Variants in SPESP1 observed in about 807,000 individuals in gnomAD.
SPESP1 encodes the protein sperm equatorial segment protein 1.
Under a neutral mutation model 3.1 loss-of-function variants are expected in SPESP1, and 1 was observed. The observed-to-expected ratio is 0.33, with a 90% CI of 0.12 to 1.54. SPESP1 has a LOEUF of 1.54. Ranked by LOEUF, SPESP1 falls within the 40% of genes most tolerant of loss-of-function variation. The pLI, the probability that SPESP1 is intolerant of heterozygous loss-of-function variation, is 0.38. For synonymous variants in SPESP1, 138 were observed against 150.7 expected (o/e 0.92, Z 0.62); for missense variants, 398 against 410.1 (o/e 0.97, Z 0.26).
At chr15:68,931,287 T>G (rs1895532340) in intron 1 of SPESP1, among the ~76,000 whole-genome samples, 2 of 144,682 alleles carry the variant, frequency 1.4e-5, no homozygotes, top group South Asian at 4.7e-4. Flanking sequence ...TTTTTGCATT[T>G]TCAAAGTAAA....
chr15:68,946,319 A>C lies in SPESP1; in HGVS notation c.785A>C (p.Lys262Thr), dbSNP rs1895964575. The change falls in exon 2 of 2, where the codon AAA (lysine) becomes ACA (threonine). Residue 262 changes from lysine to threonine, a missense_variant. By Grantham distance (78) the Lys-to-Thr change is moderately conservative. Transcript: ENST00000310673. ...ATTGAAGCCTCTAAAGATCACCTAA[A>C]ACGAAGCCTTGCTCTAGCAGCAGCA... is the stretch of plus-strand genomic sequence containing the variant. Reference protein sequence around the residue: ...EDIEASKDHLKRSLALAAAAE... With the variant: ...EDIEASKDHLTRSLALAAAAE... 2 of 1,614,186 alleles carry C rather than the reference A, an allele frequency of 1.2e-6. No homozygotes were observed. Among genetic ancestry groups the C allele is most frequent in the Non-Finnish European group, 1.7e-6 (2 of 1,180,050 alleles).
At chr15:68,932,508 A>C (rs1029187280) in intron 1 of SPESP1, among the ~76,000 whole-genome samples, 34 of 151,444 alleles carry the variant, frequency 2.2e-4, no homozygotes, top group Non-Finnish European at 2.5e-4. Flanking sequence ...CTCCCACCTC[A>C]GCCTCCTGAG....
chr15:68,945,685 G>A lies in SPESP1; in HGVS notation c.151G>A (p.Glu51Lys), dbSNP rs149193161. The A allele has an allele frequency of 1.9e-6, 3 of 1,613,786 alleles. No homozygotes were observed. The highest frequency in any genetic ancestry group is 1.1e-5 in the South Asian group (1 of 91,002). The change falls in exon 2 of 2, where the codon GAG becomes AAG. Residue 51 changes from glutamate (E) to lysine (K), a missense_variant. Coordinates refer to ENST00000310673, the MANE Select transcript of SPESP1 (RefSeq NM_145658.4). ...CCTAGTACGAAGTGTTCCCTCTGGG[G>A]AGCCAGGTCGTGAGAAAAAATCTAA... is the stretch of plus-strand genomic sequence containing the variant. Reference protein sequence around the residue: ...ENLVRSVPSGEPGREKKSNSP... With the variant: ...ENLVRSVPSGKPGREKKSNSP...
At chr15:68,945,215 A>T (rs920912730) in intron 1 of SPESP1, among the ~76,000 whole-genome samples, 1 of 152,216 alleles carries the variant, frequency 6.6e-6, no homozygotes, top group Non-Finnish European at 1.5e-5. Context: ...ATTCATAAAA[A>T]TTTAACAATG....
intron 1 of SPESP1, among the ~76,000 whole-genome samples, chr15:68,944,071 G>A (rs1209730269): frequency 6.6e-6 from 1 of 152,082 alleles, no homozygotes; most frequent in African/African-American, 2.4e-5. Context: ...ATGCATTAGT[G>A]TTTGGTAAAA....
chr15:68,938,201 G>A (rs1036734465), intron 1 of SPESP1, among the ~76,000 whole-genome samples: 13 of 152,070 alleles, frequency 8.5e-5, no homozygotes, highest in African/African-American at 2.9e-4. Flanking sequence ...GGCTGGTCTC[G>A]AACTCCTGAC....
In SPESP1 at chr15:68,940,899, C is replaced by T. The variant is rs540547166; in HGVS notation, c.65-4700C>T. Among the ~76,000 whole-genome samples the T allele has an allele frequency of 3.0e-4, 46 of 151,686 alleles. No homozygotes were observed. In the South Asian group the frequency reaches 6.6e-3, roughly 22 times the overall value. Reference sequence around the variant, plus strand: ...AAAATGATCATATTTTAATTATAAACGGCTTCTTTAATTATTAGCTGAAAT... The same window carrying T: ...AAAATGATCATATTTTAATTATAAATGGCTTCTTTAATTATTAGCTGAAAT... On this transcript the variant is annotated intron_variant, in intron 1 of 1. Transcript: ENST00000310673.
Position 68,938,029 on chromosome 15 carries a change from G to A in SPESP1, c.64+7312G>A, listed in dbSNP as rs189694984. 3.2e-4 allele frequency among the ~76,000 whole-genome samples: 48 copies of A among 152,110 alleles called. 2 individuals carry two copies. Among genetic ancestry groups the A allele is most frequent in the African/African-American group, 1.1e-3 (47 of 41,506 alleles). On this transcript the variant is annotated intron_variant, in intron 1 of 1. Transcript: ENST00000310673. ...GAGTTTCACTCTTGTCCCCCAGGCT[G>A]GAGTGCAATGGCACAACCTTGGCTT...
At chr15:68,942,883 C>A (rs1249773133) in intron 1 of SPESP1, among the ~76,000 whole-genome samples, 1 of 151,704 alleles carries the variant, frequency 6.6e-6, no homozygotes, top group Non-Finnish European at 1.5e-5. Context: ...TCATTTTACT[C>A]AATTATTTTC....
Position 68,945,870 on chromosome 15 carries a change from GA to G in SPESP1, c.342del (p.Lys114AsnfsTer71), listed in dbSNP as rs760812121. On this transcript the variant is annotated frameshift_variant, in exon 2 of 2. Coordinates refer to ENST00000310673, the MANE Select transcript of SPESP1 (RefSeq NM_145658.4). LOFTEE classifies it low-confidence loss of function (END_TRUNC). ...GAGGCTTCACACCGGAAATAGGAAA[GA>G]AAAAACACACGGAAAGTACCCCATT... Reference protein sequence around the residue: ...TGGFTPEIGKKKHTESTPFWS... With the variant: ...TGGFTPEIGKXKHTESTPFWS... The G allele has an allele frequency of 5.6e-6, 9 of 1,613,940 alleles. No individual in the cohort carries two copies. In the Admixed American group the frequency reaches 6.7e-5, roughly 12 times the overall value.
intron 1 of SPESP1, among the ~76,000 whole-genome samples, chr15:68,944,278 G>A: frequency 6.7e-6 from 1 of 149,710 alleles, no homozygotes; most frequent in Non-Finnish European, 1.5e-5. Flanking sequence ...TTACTGCTCA[G>A]ATGCTGCAAA....
At chr15:68,930,741 A>C in intron 1 of SPESP1, 24 bp downstream of exon 1, 1 of 1,613,594 alleles carries the variant, frequency 6.2e-7, no homozygotes, top group Non-Finnish European at 8.5e-7. Context: ...CTGAGGAGGC[A>C]GCGGACCGGG....
chr15:68,945,824 A>G lies in SPESP1; in HGVS notation c.290A>G (p.Glu97Gly). The change falls in exon 2 of 2, where the codon GAA (glutamate) becomes GGA (glycine). Residue 97 changes from glutamate to glycine, a missense_variant. By Grantham distance (98) the Glu-to-Gly change is moderately conservative (BLOSUM62 -2). Coordinates refer to ENST00000310673, the MANE Select transcript of SPESP1 (RefSeq NM_145658.4). ...NDVLTNPISE[E>G]TTTFPTGGFT... ...GTTTTAACCAATCCTATCAGTGAAG[A>G]AACTACAACTTTCCCTACAGGAGGC... 1 of 1,614,146 alleles carries G rather than the reference A, an allele frequency of 6.2e-7. No homozygotes were observed. The highest frequency in any genetic ancestry group is 1.1e-5 in the South Asian group (1 of 91,078).
At chr15:68,937,309 G>C (rs1282836799) in intron 1 of SPESP1, among the ~76,000 whole-genome samples, 1 of 152,034 alleles carries the variant, frequency 6.6e-6, no homozygotes, top group Admixed American at 6.6e-5. Context: ...AGTATATAAT[G>C]AACAAATTAG....
intron 1 of SPESP1, 73 bp from the exon 2 acceptor site, chr15:68,945,526 T>C: frequency 4.1e-6 from 5 of 1,221,482 alleles, no homozygotes; most frequent in Non-Finnish European, 4.3e-6. Context: ...TAAATTTTGG[T>C]CAGTAGATTC....
At chr15:68,931,347 T>A (rs1002739849) in intron 1 of SPESP1, among the ~76,000 whole-genome samples, 2 of 151,832 alleles carry the variant, frequency 1.3e-5, no homozygotes, top group Non-Finnish European at 2.9e-5. Flanking sequence ...CGCTCACATT[T>A]CATTGTTCGT....
At chr15:68,932,572 A>G (rs939153118) in intron 1 of SPESP1, among the ~76,000 whole-genome samples, 1 of 152,014 alleles carries the variant, frequency 6.6e-6, no homozygotes, top group Non-Finnish European at 1.5e-5. Flanking sequence ...TTGTATTTCT[A>G]GTAGAGACGG....
chr15:68,937,352 G>T (rs1278509407), intron 1 of SPESP1, among the ~76,000 whole-genome samples: 1 of 152,120 alleles, frequency 6.6e-6, no homozygotes, highest in South Asian at 2.1e-4. Context: ...CTTACTAAGT[G>T]TAACAGTTAA....
intron 1 of SPESP1, chr15:68,939,848 AC>A (rs1331271284): frequency 2.6e-5 from 4 of 152,192 alleles, no homozygotes; most frequent in Non-Finnish European, 5.9e-5. Flanking sequence ...CCTAATATCC[AC>A]CTGGGTATCT....
Sources: gnomAD v4.1 joint callset for allele counts (sites outside exome capture counted in the v4.1 genomes callset) on GRCh38, gnomAD v4.1.1 for gene constraint, MANE v1.5 for transcripts, NCBI Gene and HGNC (gene_info 2026-07-23, HGNC 2026-07-21) for gene names.